The following TMC2 variants were observed in gnomAD, a reference collection of about 807,000 sequenced individuals.
TMC2 encodes the protein transmembrane channel-like protein 2.
A neutral mutation model predicts 105.9 loss-of-function variants in TMC2; 102 were observed. The ratio of observed to expected loss-of-function variants is 0.96; its 90% CI spans 0.82 to 1.14. The LOEUF (loss-of-function observed/expected upper bound fraction) is 1.14. Among genes scored for constraint, TMC2 ranks in the 50% most tolerant of loss-of-function variants. TMC2 has a pLI of 0.00. For missense variants in TMC2, 1,093 were observed against 1,134.3 expected (o/e 0.96, Z 0.52); for synonymous variants, 402 against 422.8 (o/e 0.95, Z 0.60).
Position 2,596,717 on chromosome 20 carries a change from A to ATATGTG in TMC2, c.1077-433_1077-432insATGTGT, listed in dbSNP as rs375342608. Among the ~76,000 whole-genome samples, 155 of 146,206 alleles carry ATATGTG rather than the reference A, an allele frequency of 1.1e-3. 1 individual carries two copies. The highest frequency in any genetic ancestry group is 3.3e-3 in the African/African-American group (133 of 39,784). On this transcript the variant is annotated intron_variant, in intron 9 of 19. Transcript: ENST00000358864. ...CATTTTATATCAGAAAAAAATATAT[A>ATATGTG]TGTGTGTGTGTGTGTGTGTGTGTGT...
chr20:2,575,312 T>A (rs1197279279), intron 5 of TMC2, among the ~76,000 whole-genome samples: 1 of 152,232 alleles, frequency 6.6e-6, no homozygotes, highest in African/African-American at 2.4e-5. Flanking sequence ...TACTGCTAGT[T>A]CAAAAGTGTG....
rs1031213825 is a variant in TMC2 at position 2,643,162 on chromosome 20, G to A, written c.*1811G>A. On this transcript the variant is annotated 3_prime_UTR_variant, in exon 20 of 20. Transcript: ENST00000358864. ...GGCTAACGAAGATGTTGCAATGCCT[G>A]ATTTCCATGGAACCCAGGTCCAAGC... Among the ~76,000 whole-genome samples the A allele has an allele frequency of 6.6e-6, 1 of 152,154 alleles. No individual in the cohort carries two copies. Among genetic ancestry groups the A allele is most frequent in the East Asian group, 1.9e-4 (1 of 5,200 alleles).
rs1196553751 is a variant in TMC2 at position 2,595,191 on chromosome 20, C to T, written c.1076+224C>T. Among the ~76,000 whole-genome samples, 4 of 152,302 alleles carry T rather than the reference C, an allele frequency of 2.6e-5. 1 individual carries two copies. ...AAACCCCTTTGGATGAGGCTGAGAA[C>T]GCCAGCCATGCTGAAATTCTGGGGA... On this transcript the variant is annotated intron_variant, in intron 9 of 19. Coordinates refer to ENST00000358864, the MANE Select transcript of TMC2 (RefSeq NM_080751.3).
At chr20:2,630,795 C>G (rs894271171) in intron 17 of TMC2, among the ~76,000 whole-genome samples, 4 of 152,102 alleles carry the variant, frequency 2.6e-5, no homozygotes, top group Non-Finnish European at 5.9e-5. Context: ...TGCATTCCAC[C>G]CTGGGTGACA....
chr20:2,598,708 C>T (rs2086327660), intron 10 of TMC2, among the ~76,000 whole-genome samples: 1 of 151,982 alleles, frequency 6.6e-6, no homozygotes, highest in African/African-American at 2.4e-5. Context: ...GTGCCCAGCC[C>T]ATGTCTCTAC....
Position 2,536,601 on chromosome 20 carries a change from A to T in TMC2, c.-21A>T, listed in dbSNP as rs1453776070. 6.4e-7 allele frequency: 1 copy of T among 1,565,474 alleles called. No individual in the cohort carries two copies. Among genetic ancestry groups the T allele is most frequent in the Admixed American group, 1.9e-5 (1 of 51,838 alleles). ...AGCACGCTGCGTGAGCCTGTGCAGG[A>T]CCCCAGCAGTGCTGCTGACCATGAG... On this transcript the variant is annotated 5_prime_UTR_variant, in exon 1 of 20. Transcript: ENST00000358864.
intron 9 of TMC2, 69 bp downstream of exon 9, chr20:2,595,036 GC>G (rs1468685802): frequency 2.2e-5 from 34 of 1,530,430 alleles, no homozygotes; most frequent in Non-Finnish European, 3.0e-5. Context: ...GCCACTCTAT[GC>G]CTACCTCCCT....
At chr20:2,600,586 G>A (rs1052516759) in intron 10 of TMC2, among the ~76,000 whole-genome samples, 10 of 152,252 alleles carry the variant, frequency 6.6e-5, no homozygotes, top group South Asian at 2.1e-4. Flanking sequence ...ACTTTGGGAC[G>A]CTGAGGCGGG....
intron 7 of TMC2, among the ~76,000 whole-genome samples, chr20:2,589,733 A>C (rs950677836): frequency 1.3e-5 from 2 of 152,102 alleles, no homozygotes; most frequent in Admixed American, 1.3e-4. Flanking sequence ...GCAGTGGCTC[A>C]ATCTCGGCTC....
At chr20:2,606,891 CTTTTTTTTTTTTT>C (rs11476357) in intron 11 of TMC2, among the ~76,000 whole-genome samples, 1 of 83,980 alleles carries the variant, frequency 1.2e-5, no homozygotes, top group Non-Finnish European at 2.2e-5. Flanking sequence ...TTTCTTTTTT[CTTTTTTTTTTTTT>C]TTTTTTGCAG....
chr20:2,549,834 A>C (rs2085946386), intron 2 of TMC2, among the ~76,000 whole-genome samples: 1 of 152,162 alleles, frequency 6.6e-6, no homozygotes, highest in Non-Finnish European at 1.5e-5. Flanking sequence ...CATTTTTTAA[A>C]AACAGACTTC....
chr20:2,598,896 A>G, intron 10 of TMC2, among the ~76,000 whole-genome samples: 1 of 152,116 alleles, frequency 6.6e-6, no homozygotes, highest in South Asian at 2.1e-4. Flanking sequence ...TCCATGAGAT[A>G]AAAAAAGAGA....
intron 17 of TMC2, among the ~76,000 whole-genome samples, chr20:2,625,169 A>G (rs1738816511): frequency 6.6e-6 from 1 of 152,226 alleles, no homozygotes. Context: ...GCTAGTAAAA[A>G]TGTTAGCATT....
chr20:2,560,527 C>T (rs2086018430), intron 3 of TMC2, among the ~76,000 whole-genome samples: 1 of 152,104 alleles, frequency 6.6e-6, no homozygotes, highest in East Asian at 1.9e-4. Context: ...AGCTGAGAGT[C>T]ACTATTTTTC....
chr20:2,599,019 G>A (rs6050517), intron 10 of TMC2, among the ~76,000 whole-genome samples: 4,117 of 152,218 alleles, frequency 0.027, 190 homozygotes, highest in African/African-American at 0.092. Flanking sequence ...GTTGCAGTTG[G>A]AGTGTATGTA....
In TMC2 at chr20:2,536,780, C is replaced by A. The variant is rs951490170; in HGVS notation, c.34+125C>A. The A allele has an allele frequency of 3.3e-5, 34 of 1,039,286 alleles. No individual in the cohort carries two copies. In the Admixed American group the frequency reaches 5.0e-4, roughly 15 times the overall value. 64.4% of individuals were successfully genotyped at this position (1,039,286 alleles called of 1,614,324 possible). A position where few individuals can be genotyped will look rare whatever the true frequency, so the allele number is the denominator to read the frequency against. On this transcript the variant is annotated intron_variant, in intron 1 of 19. Transcript: ENST00000358864. Reference sequence around the variant, plus strand: ...AGCTGGGTTTGAGTCCAGGGCCTGTCCCCTGTGCGCTGAGCGACCTCGGCT... The same window carrying A: ...AGCTGGGTTTGAGTCCAGGGCCTGTACCCTGTGCGCTGAGCGACCTCGGCT...
chr20:2,559,660 C>A (rs1197049425), intron 3 of TMC2, among the ~76,000 whole-genome samples: 1 of 152,172 alleles, frequency 6.6e-6, no homozygotes, highest in Non-Finnish European at 1.5e-5. Flanking sequence ...TTGGGTGCTC[C>A]ATCTTCCTCT....
rs201634471 is a variant in TMC2, at chr20:2,579,203, G to A, written c.703G>A (p.Glu235Lys). 2 of 1,602,482 alleles carry A rather than the reference G, an allele frequency of 1.2e-6. No individual in the cohort carries two copies. Among genetic ancestry groups the A allele is most frequent in the Admixed American group, 1.7e-5 (1 of 59,988 alleles). The change falls in exon 6 of 20, where the codon GAA (glutamate) becomes AAA (lysine). Residue 235 changes from glutamate (E) to lysine (K), a missense_variant. Transcript: ENST00000358864. ...TTTCAAGACTCAATGTATCCCCTGGGAAATGAAGATCAAGGACATTGAAAG... is the reference window on the plus strand; with the variant it reads ...TTTCAAGACTCAATGTATCCCCTGGAAAATGAAGATCAAGGACATTGAAAG... ...DNFKTQCIPW[E>K]MKIKDIESHF... is the part of the protein sequence containing the mutation.
chr20:2,555,571 G>C (rs1242084133), intron 2 of TMC2, among the ~76,000 whole-genome samples: 1 of 152,048 alleles, frequency 6.6e-6, no homozygotes, highest in African/African-American at 2.4e-5. Flanking sequence ...CTTGGGTCTT[G>C]GTTTTTGATC....
Sources: gnomAD v4.1 joint callset for allele counts (sites outside exome capture counted in the v4.1 genomes callset) on GRCh38, gnomAD v4.1.1 for gene constraint, MANE v1.5 for transcripts, NCBI Gene and HGNC (gene_info 2026-07-23, HGNC 2026-07-21) for gene names.